The following NOC3L variants were observed in gnomAD, a reference collection of about 807,000 sequenced individuals.
NOC3L encodes the protein nucleolar complex protein 3 homolog.
Under a neutral mutation model 102.5 loss-of-function variants are expected in NOC3L, and 85 were observed. The ratio of observed to expected loss-of-function variants is 0.83; its 90% CI spans 0.70 to 0.99. The LOEUF is 0.99. Among genes scored for constraint, NOC3L ranks in the 50% least tolerant of loss-of-function variants. The pLI is 0.00. For synonymous variants in NOC3L, 303 were observed against 309.4 expected (o/e 0.98, Z 0.22); for missense variants, 878 against 914.9 (o/e 0.96, Z 0.52).
intron 14 of NOC3L, among the ~76,000 whole-genome samples, chr10:94,340,980 CAAAAAA>C (rs71485908): frequency 1.5e-5 from 1 of 67,836 alleles, no homozygotes; most frequent in Non-Finnish European, 3.1e-5. Flanking sequence ...GACTCCCTCT[CAAAAAA>C]AAAAAAAAAA....
the NOC3L span, among the ~76,000 whole-genome samples, chr10:94,319,810 C>A: frequency 2.2e-3 from 325 of 149,654 alleles, 1 homozygote; most frequent in African/African-American, 7.7e-3. Context: ...TGGCTTCGAA[C>A]TAATGTGGCT....
downstream of NOC3L, chr10:94,329,013 A>T (rs555303291): frequency 6.6e-6 from 1 of 152,332 alleles, no homozygotes; most frequent in South Asian, 2.1e-4. Flanking sequence ...CACTATACTT[A>T]TATATTTATT....
the NOC3L span, among the ~76,000 whole-genome samples, chr10:94,325,848 T>C: frequency 1.2e-4 from 18 of 152,280 alleles, no homozygotes; most frequent in African/African-American, 4.3e-4. Flanking sequence ...ACTGTTCTAA[T>C]TTAGGTTTGA....
chr10:94,348,485 A>T (rs1005692166), intron 10 of NOC3L, among the ~76,000 whole-genome samples: 3 of 152,098 alleles, frequency 2.0e-5, no homozygotes, highest in Non-Finnish European at 4.4e-5. Flanking sequence ...CAGGACCTAA[A>T]AAAAGTGCCT....
At chr10:94,348,279 G>T (rs1385748042) in intron 10 of NOC3L, among the ~76,000 whole-genome samples, 2 of 151,416 alleles carry the variant, frequency 1.3e-5, no homozygotes, top group African/African-American at 4.8e-5. Context: ...ATCTCGGAGA[G>T]ACTCCGTAAA....
At chr10:94,354,920 C>T (rs1589576171) in intron 6 of NOC3L, 43 bp downstream of exon 6, 4 of 1,581,646 alleles carry the variant, frequency 2.5e-6, no homozygotes, top group Non-Finnish European at 2.6e-6. Flanking sequence ...GGCATTTACA[C>T]CATACCTAAT....
intron 13 of NOC3L, among the ~76,000 whole-genome samples, chr10:94,343,191 T>G (rs941230021): frequency 1.3e-5 from 2 of 152,194 alleles, no homozygotes; most frequent in African/African-American, 4.8e-5. Flanking sequence ...TATTTAAATT[T>G]TTTAAATGAC....
chr10:94,334,694 T>C lies in NOC3L; in HGVS notation c.2214A>G (p.Ala738=). ...SRRSATELFE[A]YSMAEMTFNP... ...TGAATGTCATTTCTGCCATGCTATATGCCTCAAAAAGTTCAGTAGCAGATC... is the reference window on the plus strand; with the variant it reads ...TGAATGTCATTTCTGCCATGCTATACGCCTCAAAAAGTTCAGTAGCAGATC... The change falls in exon 20 of 21, where the codon GCA becomes GCG. Residue 738 remains alanine, a synonymous_variant. Transcript: ENST00000371361. 6.2e-7 allele frequency: 1 copy of C among 1,613,164 alleles called. No individual in the cohort carries two copies. Among genetic ancestry groups the C allele is most frequent in the Non-Finnish European group, 8.5e-7 (1 of 1,179,668 alleles).
chr10:94,340,520 G>T (rs779461890), intron 14 of NOC3L, 24 bp from the exon 15 acceptor site: 5 of 936,386 alleles, frequency 5.3e-6, no homozygotes, highest in South Asian at 1.3e-5. Flanking sequence ...AGGGGGGGGT[G>T]AGGGGGATGG....
chr10:94,327,869 A>G, the NOC3L span: 1 of 407,796 alleles, frequency 2.5e-6, no homozygotes, highest in African/African-American at 2.1e-5. Context: ...CCTAGCCACT[A>G]GAGCTGTGGC....
chr10:94,324,255 TG>T, the NOC3L span: 1 of 957,232 alleles, frequency 1.0e-6, no homozygotes, highest in Non-Finnish European at 1.7e-6. Context: ...ATCTCTAGTC[TG>T]GGCCATTTTT....
intron 1 of NOC3L, 128 bp from the exon 2 acceptor site, chr10:94,362,000 T>C (rs1469281297): frequency 3.8e-6 from 3 of 780,120 alleles, no homozygotes; most frequent in Non-Finnish European, 6.5e-6. Context: ...CAGACTTGCA[T>C]ATAAAAGCTA....
rs186954592 is a variant in NOC3L at position 94,339,894 on chromosome 10, C to T, written c.1807G>A (p.Val603Ile). 6.8e-6 allele frequency: 11 copies of T among 1,613,876 alleles called. No individual in the cohort carries two copies. The highest frequency in any genetic ancestry group is 8.5e-7 in the Non-Finnish European group (1 of 1,179,956). The change falls in exon 17 of 21, where the codon GTA (valine) becomes ATA (isoleucine). Residue 603 changes from valine to isoleucine, a missense_variant. Coordinates refer to ENST00000371361, the MANE Select transcript of NOC3L (RefSeq NM_022451.11). Reference protein sequence around the residue: ...AGATNEGVEIVLQCLDVMLTK... With the variant: ...AGATNEGVEIILQCLDVMLTK... ...AGCATGACATCAAGGCACTGGAGTA[C>T]AATCTCAACACCTTCATTGGTAGCA...
chr10:94,322,006 C>T, the NOC3L span: 4 of 1,614,042 alleles, frequency 2.5e-6, no homozygotes, highest in East Asian at 2.2e-5. Context: ...AGAGCAACCT[C>T]GAACAGTCAT....
At position 94,357,297 on chromosome 10, in the gene NOC3L, G is replaced by A. The variant is rs746293694; in HGVS notation, c.385C>T (p.Arg129Cys). Reference sequence around the variant, plus strand: ...ATTTTTTCATATTTATCTATAATGCGTTCATGCTTCCGTTTCTTCGCATGA... The same window carrying A: ...ATTTTTTCATATTTATCTATAATGCATTCATGCTTCCGTTTCTTCGCATGA... ...PVHAKKRKHE[R>C]IIDKYEKIPR... Residue 129 changes from arginine to cysteine, a missense_variant, in exon 4 of 21, where the codon CGC becomes TGC. By Grantham distance (180) the Arg-to-Cys change is radical. Transcript: ENST00000371361. 84 of 1,601,124 alleles carry A rather than the reference G, an allele frequency of 5.2e-5. 1 individual carries two copies. Among genetic ancestry groups the A allele is most frequent in the South Asian group, 4.5e-4 (40 of 88,324 alleles).
At chr10:94,351,085 A>G (rs1255191254) in intron 8 of NOC3L, among the ~76,000 whole-genome samples, 1 of 152,094 alleles carries the variant, frequency 6.6e-6, no homozygotes, top group Non-Finnish European at 1.5e-5. Flanking sequence ...TATCAGACAG[A>G]GATGGTTGCA....
At chr10:94,340,186 T>A in intron 16 of NOC3L, 90 bp downstream of exon 16, 2 of 1,087,376 alleles carry the variant, frequency 1.8e-6, no homozygotes. Flanking sequence ...ATGTACCTGT[T>A]CCTATTTCTC....
intron 8 of NOC3L, among the ~76,000 whole-genome samples, chr10:94,351,649 C>A (rs1480322680): frequency 4.6e-5 from 7 of 151,976 alleles, no homozygotes; most frequent in Non-Finnish European, 1.0e-4. Flanking sequence ...CAGCTCAGAT[C>A]TCCAGTAGCT....
Position 94,339,722 on chromosome 10 carries a change from T to C in NOC3L, c.1962+17A>G, listed in dbSNP as rs764893315. On this transcript the variant is annotated intron_variant, in intron 17 of 20. Coordinates refer to ENST00000371361, the MANE Select transcript of NOC3L (RefSeq NM_022451.11). ...CATTATAAGAACTTAGCTCTGTTCA[T>C]TTGTATCACTACTTACATGCATTAA... 5 of 1,600,756 alleles carry C rather than the reference T, an allele frequency of 3.1e-6. No homozygotes were observed. In the Admixed American group the frequency reaches 6.9e-5, roughly 22 times the overall value.
Sources: allele counts gnomAD v4.1 joint callset (sites outside exome capture counted in the v4.1 genomes callset), GRCh38; gene constraint gnomAD v4.1.1; transcripts MANE v1.5; gene names NCBI Gene and HGNC (gene_info 2026-07-23, HGNC 2026-07-21).